Variants in NPFFR2 observed in about 807,000 individuals in gnomAD.
The protein encoded by NPFFR2 is neuropeptide FF receptor 2, also known as G-protein coupled receptor 74.
NPFFR2 carries 15 observed loss-of-function variants against 13.1 expected under a neutral mutation model. That is an observed-to-expected ratio of 1.15 (90% confidence interval 0.77 to 1.76). The LOEUF (loss-of-function observed/expected upper bound fraction) is 1.76. Among genes scored for constraint, NPFFR2 ranks in the 40% most tolerant of loss-of-function variants. The pLI is 0.00. For synonymous variants in NPFFR2, 190 were observed against 175.7 expected (o/e 1.08, Z -0.65); for missense variants, 572 against 503.5 (o/e 1.14, Z -1.30).
At chr4:72,107,046 A>G (rs999541887) in intron 1 of NPFFR2, among the ~76,000 whole-genome samples, 2 of 151,690 alleles carry the variant, frequency 1.3e-5, no homozygotes, top group Non-Finnish European at 2.9e-5. Flanking sequence ...CTCCCCCACC[A>G]CAGTGTGCCC....
Position 72,127,355 on chromosome 4 carries a change from C to CTTTTTTTT in NPFFR2, c.-7-1226_-7-1225insTTTTTTTT, listed in dbSNP as rs1341571145. Among the ~76,000 whole-genome samples the CTTTTTTTT allele has an allele frequency of 4.2e-4, 38 of 91,200 alleles. 1 individual carries two copies. The highest frequency in any genetic ancestry group is 1.6e-3 in the African/African-American group (35 of 21,712). The allele number at this position is 91,200 out of a possible 152,430, so 59.8% of individuals were successfully genotyped here. A position where few individuals can be genotyped will look rare whatever the true frequency, so the allele number is the denominator to read the frequency against. Reference sequence around the variant, plus strand: ...AAGTCATACAGATTCTAAATAATTTCTTTTCTTTTTTTTTTTTTTTTTTTT... The same window carrying CTTTTTTTT: ...AAGTCATACAGATTCTAAATAATTTCTTTTTTTTTTTTCTTTTTTTTTTTTTTTTTTTT... On this transcript the variant is annotated intron_variant, in intron 1 of 3. Transcript: ENST00000308744.
chr4:72,050,947 A>AT, intron 1 of NPFFR2, among the ~76,000 whole-genome samples: 2 of 151,894 alleles, frequency 1.3e-5, no homozygotes, highest in South Asian at 4.2e-4. Flanking sequence ...TGAACTCATC[A>AT]TTTTTTATGG....
At chr4:72,077,108 T>C (rs545298546) in intron 1 of NPFFR2, among the ~76,000 whole-genome samples, 1 of 152,248 alleles carries the variant, frequency 6.6e-6, no homozygotes, top group Admixed American at 6.5e-5. Context: ...CTTTAAAAAA[T>C]CTTTTGTTTA....
intron 1 of NPFFR2, among the ~76,000 whole-genome samples, chr4:72,053,808 A>G (rs1327687482): frequency 6.6e-6 from 1 of 151,858 alleles, no homozygotes; most frequent in African/African-American, 2.4e-5. Flanking sequence ...TCTCCAGTAC[A>G]GTGTTAAAAC....
chr4:72,122,968 G>T (rs914182037), intron 1 of NPFFR2, among the ~76,000 whole-genome samples: 2 of 152,194 alleles, frequency 1.3e-5, no homozygotes, highest in South Asian at 2.1e-4. Flanking sequence ...CCAGGAGCTG[G>T]TTTTTTTGAA....
intron 1 of NPFFR2, among the ~76,000 whole-genome samples, chr4:72,065,411 A>G (rs1720036834): frequency 6.6e-6 from 1 of 152,230 alleles, no homozygotes; most frequent in Non-Finnish European, 1.5e-5. Context: ...ATCACTAAAT[A>G]TATGAGAGAA....
intron 1 of NPFFR2, among the ~76,000 whole-genome samples, chr4:72,127,620 C>G (rs1230228266): frequency 6.6e-6 from 1 of 150,852 alleles, no homozygotes; most frequent in African/African-American, 2.4e-5. Flanking sequence ...GCCTCGGCCT[C>G]CCAAAGTGCT....
chr4:72,103,837 C>T (rs766907985), intron 1 of NPFFR2, among the ~76,000 whole-genome samples: 9 of 151,976 alleles, frequency 5.9e-5, no homozygotes, highest in Non-Finnish European at 1.2e-4. Context: ...AAATACATCT[C>T]GTTTTATATA....
intron 1 of NPFFR2, among the ~76,000 whole-genome samples, chr4:72,054,555 C>G (rs1303955182): frequency 6.6e-6 from 1 of 151,640 alleles, no homozygotes; most frequent in African/African-American, 2.4e-5. Flanking sequence ...AAAATTTTTG[C>G]AAACTTTTAC....
intron 1 of NPFFR2, among the ~76,000 whole-genome samples, chr4:72,112,416 G>A (rs1383481281): frequency 6.6e-6 from 1 of 151,690 alleles, no homozygotes; most frequent in Non-Finnish European, 1.5e-5. Context: ...TCTCTTCATG[G>A]TCCTTTCTTT....
chr4:72,102,820 C>T (rs534898962), intron 1 of NPFFR2, among the ~76,000 whole-genome samples: 45 of 152,008 alleles, frequency 3.0e-4, no homozygotes, highest in Middle Eastern at 3.4e-3. Flanking sequence ...TGAATAGTGC[C>T]GCAGGAAACA....
intron 1 of NPFFR2, among the ~76,000 whole-genome samples, chr4:72,118,378 C>A (rs1721771136): frequency 6.6e-6 from 1 of 152,152 alleles, no homozygotes; most frequent in African/African-American, 2.4e-5. Flanking sequence ...GAAAACCTAA[C>A]AACAACACTA....
chr4:72,120,006 G>A (rs1721823209), intron 1 of NPFFR2, among the ~76,000 whole-genome samples: 1 of 152,170 alleles, frequency 6.6e-6, no homozygotes, highest in African/African-American at 2.4e-5. Flanking sequence ...CCCCCACGGA[G>A]CCCAGCAAGC....
At chr4:72,123,734 CAAT>C (rs1469101320) in intron 1 of NPFFR2, among the ~76,000 whole-genome samples, 1 of 152,174 alleles carries the variant, frequency 6.6e-6, no homozygotes, top group African/African-American at 2.4e-5. Flanking sequence ...TAAAAACTCT[CAAT>C]AAACTAGATA....
chr4:72,069,035 A>C, intron 1 of NPFFR2: 1 of 945,680 alleles, frequency 1.1e-6, no homozygotes, highest in Non-Finnish European at 1.5e-6. Context: ...TAAGTATTCT[A>C]ATATTATTTT....
At chr4:72,080,402 A>C (rs1209908847) in intron 1 of NPFFR2, among the ~76,000 whole-genome samples, 1 of 152,014 alleles carries the variant, frequency 6.6e-6, no homozygotes, top group African/African-American at 2.4e-5. Flanking sequence ...TGACCTCGTG[A>C]TCTGCCTGCC....
rs1213294272 is a variant in NPFFR2 at position 72,053,723 on chromosome 4, G to T, written c.-8+21523G>T. Among the ~76,000 whole-genome samples the T allele has an allele frequency of 5.3e-5, 8 of 151,772 alleles. No individual in the cohort carries two copies. In the East Asian group the frequency reaches 1.4e-3, roughly 26 times the overall value. On this transcript the variant is annotated intron_variant, in intron 1 of 3. Coordinates refer to ENST00000308744, the MANE Select transcript of NPFFR2 (RefSeq NM_004885.3). ...TTCTATGTACACAATCATGCATTAT[G>T]CCAATAAAGACAGTTTTAGTTCCTT...
At position 72,145,877 on chromosome 4, in the gene NPFFR2, T is replaced by TACAC. The variant is rs989596182; in HGVS notation, c.429-1099_429-1096dup. 3.3e-5 allele frequency among the ~76,000 whole-genome samples: 5 copies of TACAC among 152,300 alleles called. No homozygotes were observed. In the East Asian group the frequency reaches 9.6e-4, roughly 29 times the overall value. ...GTTACTTTGAAAAAATATAAAATGT[T>TACAC]ACACAGTTGCATAATAGTGTGATTA... On this transcript the variant is annotated intron_variant, in intron 3 of 3. Transcript: ENST00000308744.
At position 72,045,910 on chromosome 4, in the gene NPFFR2, A is replaced by T. The variant is rs144339709; in HGVS notation, c.-8+13710A>T. Reference sequence around the variant, plus strand: ...GTAATGAAGATTTTTACTTGCTTTGATCAATTTAGAAAGCAATCTGATTTC... The same window carrying T: ...GTAATGAAGATTTTTACTTGCTTTGTTCAATTTAGAAAGCAATCTGATTTC... On this transcript the variant is annotated intron_variant, in intron 1 of 3. Coordinates refer to ENST00000308744, the MANE Select transcript of NPFFR2 (RefSeq NM_004885.3). Among the ~76,000 whole-genome samples, 481 of 152,286 alleles carry T rather than the reference A, an allele frequency of 3.2e-3. 4 individuals carry two copies. Among genetic ancestry groups the T allele is most frequent in the African/African-American group, 0.011 (444 of 41,568 alleles).
Sources: gnomAD v4.1 joint callset for allele counts (sites outside exome capture counted in the v4.1 genomes callset) on GRCh38, gnomAD v4.1.1 for gene constraint, MANE v1.5 for transcripts, NCBI Gene and HGNC (gene_info 2026-07-23, HGNC 2026-07-21) for gene names.